TSPAN6: variants seen among roughly 807,000 people sequenced by gnomAD.
TSPAN6 encodes tetraspanin-6.
TSPAN6 carries 13 observed loss-of-function variants against 18.0 expected under a neutral mutation model. The observed-to-expected ratio is 0.72, with a 90% CI of 0.47 to 1.15. The LOEUF is 1.15. TSPAN6 is among the 50% of genes most tolerant of loss of function. The pLI is 0.00. For synonymous variants in TSPAN6, 82 were observed against 67.0 expected, an observed-to-expected ratio of 1.22 and a Z score of -1.09; for missense variants, 186 against 183.9, an observed-to-expected ratio of 1.01 and a Z score of -0.07.
rs2083033457 is a variant in TSPAN6, at chrX:100,627,730, C to CGAGTGA, written c.*2290_*2295dup. On this transcript the variant is annotated 3_prime_UTR_variant, in exon 8 of 8. Coordinates refer to ENST00000373020, the MANE Select transcript of TSPAN6 (RefSeq NM_003270.4). ...AAAATAAACAAACCAATCCACCTGA[C>CGAGTGA]GAGTGATGTGTGGTGTTTTTCCTCT... 1 of 111,644 alleles carries CGAGTGA rather than the reference C, an allele frequency of 9.0e-6. No homozygotes were observed. Among genetic ancestry groups the CGAGTGA allele is most frequent in the African/African-American group, 3.3e-5 (1 of 30,702 alleles). The allele number at this position is 111,644 out of a possible 1,213,427, so 9.2% of individuals were successfully genotyped here. A position where few individuals can be genotyped will look rare whatever the true frequency, so the allele number is the denominator to read the frequency against.
intron 6 of TSPAN6, among the ~76,000 whole-genome samples, chrX:100,631,796 A>C (rs1053920647): frequency 2.7e-5 from 3 of 112,060 alleles, no homozygotes; most frequent in African/African-American, 9.7e-5. Context: ...CTAAGAGGGC[A>C]CTGAGTCTTT....
rs1254831579 is a variant in TSPAN6, at chrX:100,630,885, C to A, written c.670-19G>T. The A allele has an allele frequency of 8.9e-7, 1 of 1,119,896 alleles. No homozygotes were observed. The highest frequency in any genetic ancestry group is 1.8e-5 in the African/African-American group (1 of 55,481). The allele number at this position is 1,119,896 out of a possible 1,213,427, so 92.3% of individuals were successfully genotyped here. The stretch of plus-strand genomic sequence containing the variant: ...CAATCAGCTAGAAATAAAATAGGAA[C>A]AAAATTAAATACATACACAAAAGAA... On this transcript the variant is annotated intron_variant, in intron 6 of 7. Coordinates refer to ENST00000373020, the MANE Select transcript of TSPAN6 (RefSeq NM_003270.4).
At chrX:100,636,235 T>C in intron 1 of TSPAN6, 1 of 810,744 alleles carries the variant, frequency 1.2e-6, no homozygotes, top group Non-Finnish European at 1.5e-6. Context: ...AGAAAGACAC[T>C]ATTATGCAAG....
chrX:100,633,589 CA>C (rs758789921), intron 4 of TSPAN6, 50 bp from the exon 5 acceptor site: 3 of 1,114,879 alleles, frequency 2.7e-6, no homozygotes, highest in African/African-American at 3.7e-5. Context: ...ACTTTGTAGT[CA>C]AACATTTAAC....
chrX:100,629,330 C>T lies in TSPAN6; in HGVS notation c.*696G>A, dbSNP rs1000035902. The T allele has an allele frequency of 7.2e-5, 8 of 111,822 alleles. No individual in the cohort carries two copies. Among genetic ancestry groups the T allele is most frequent in the African/African-American group, 2.6e-4 (8 of 30,756 alleles). The allele number at this position is 111,822 out of a possible 1,213,427, so 9.2% of individuals were successfully genotyped here. ...GATGTATCACAGAACATCAGTAGTC[C>T]CTTCCAGTCGTGGATGCCTTAGACC... On this transcript the variant is annotated 3_prime_UTR_variant, in exon 8 of 8. Transcript: ENST00000373020.
In TSPAN6 at chrX:100,635,560, G is replaced by C; in HGVS notation, c.274C>G (p.Leu92Val). Reference sequence around the variant, plus strand: ...TTCTAATGAAAACAAGGACTCACCAGTTTTAGCATCCATGCAGAAGCTCGG... The same window carrying C: ...TTCTAATGAAAACAAGGACTCACCACTTTTAGCATCCATGCAGAAGCTCGG... ...TCRASAWMLKLYAMFLTLVFL... is the reference protein window; with the variant it reads ...TCRASAWMLKVYAMFLTLVFL... Residue 92 changes from leucine (L) to valine (V), a missense_variant and splice_region_variant, in exon 2 of 8, where the codon CTG becomes GTG. Physicochemically the swap from Leu to Val is conservative, Grantham distance 32. Transcript: ENST00000373020. The C allele has an allele frequency of 1.7e-6, 2 of 1,185,475 alleles. No individual in the cohort carries two copies. Among genetic ancestry groups the C allele is most frequent in the Non-Finnish European group, 2.3e-6 (2 of 880,078 alleles).
At chrX:100,635,140 T>C in intron 3 of TSPAN6, 38 bp downstream of exon 3, 1 of 1,051,043 alleles carries the variant, frequency 9.5e-7, no homozygotes, top group South Asian at 2.0e-5. Flanking sequence ...TCTCAGAGGA[T>C]AAATGTAACA....
At chrX:100,636,174 A>C (rs1466527867) in intron 1 of TSPAN6, 1 of 791,518 alleles carries the variant, frequency 1.3e-6, no homozygotes, top group Non-Finnish European at 1.5e-6. Context: ...GCGGGAGTGG[A>C]GGCATACCAT....
intron 3 of TSPAN6, among the ~76,000 whole-genome samples, chrX:100,634,832 T>C (rs762296620): frequency 1.8e-5 from 2 of 112,095 alleles, no homozygotes; most frequent in East Asian, 5.6e-4. Context: ...GCATTAAGTA[T>C]ATCCAATCTT....
At position 100,633,928 on chromosome X, in the gene TSPAN6, T is replaced by TA. The variant is rs749324854; in HGVS notation, c.450+2dup. 5.1e-6 allele frequency: 6 copies of TA among 1,177,091 alleles called. No homozygotes were observed. The highest frequency in any genetic ancestry group is 6.9e-6 in the Non-Finnish European group (6 of 866,714). ...TCCCCTCTAGGTGGTGGTTACCACTTACCGTATTTTGGATCTTGTCTACTG... is the reference window on the plus strand; with the variant it reads ...TCCCCTCTAGGTGGTGGTTACCACTTAACCGTATTTTGGATCTTGTCTACTG... On this transcript the variant is annotated splice_region_variant and intron_variant, in intron 4 of 7. Transcript: ENST00000373020.
intron 1 of TSPAN6, chrX:100,636,347 A>AT: frequency 1.1e-6 from 1 of 938,707 alleles, no homozygotes; most frequent in South Asian, 4.6e-5. Flanking sequence ...CGCCTCCCGT[A>AT]TCGAACTCGA....
At position 100,628,991 on chromosome X, in the gene TSPAN6, A is replaced by G. The variant is rs1458884282; in HGVS notation, c.*1035T>C. 1.8e-5 allele frequency: 2 copies of G among 112,364 alleles called. No individual in the cohort carries two copies. The highest frequency in any genetic ancestry group is 3.8e-5 in the Non-Finnish European group (2 of 53,316). 9.3% of individuals were successfully genotyped at this position (112,364 alleles called of 1,213,427 possible). The stretch of plus-strand genomic sequence containing the variant: ...CTCAGTGGAAAACAACAACCATTCC[A>G]GCAGATTTTCTACAAGTTAATTTAA... On this transcript the variant is annotated 3_prime_UTR_variant, in exon 8 of 8. Transcript: ENST00000373020.
At position 100,635,887 on chromosome X, in the gene TSPAN6, A is replaced by G. The variant is rs1324293125; in HGVS notation, c.88-141T>C. The G allele has an allele frequency of 2.1e-5, 9 of 432,710 alleles. No homozygotes were observed. In the African/African-American group the frequency reaches 2.4e-4, roughly 11 times the overall value. 35.7% of individuals were successfully genotyped at this position (432,710 alleles called of 1,213,427 possible). On this transcript the variant is annotated intron_variant, in intron 1 of 7. Transcript: ENST00000373020. Reference sequence around the variant, plus strand: ...ACAAGGGGGAAGAGTAGAAGGGGTTAGGGGGGGATCTGCACACAAGAGCAG... The same window carrying G: ...ACAAGGGGGAAGAGTAGAAGGGGTTGGGGGGGGATCTGCACACAAGAGCAG...
chrX:100,636,405 C>T, intron 1 of TSPAN6: 1 of 998,786 alleles, frequency 1.0e-6, no homozygotes, highest in Admixed American at 4.8e-5. Flanking sequence ...TGCCTTCGTC[C>T]CGCACTCCGA....
chrX:100,630,978 T>C, intron 6 of TSPAN6, 112 bp from the exon 7 acceptor site: 1 of 573,863 alleles, frequency 1.7e-6, no homozygotes, highest in Non-Finnish European at 2.9e-6. Flanking sequence ...CTTGAGTTTT[T>C]CTAGAGTTAT....
At position 100,635,581 on chromosome X, in the gene TSPAN6, C is replaced by T; in HGVS notation, c.253G>A (p.Ala85Thr). The part of the protein sequence containing the change: ...GTFGCFATCR[A>T]SAWMLKLYAM... ...ACCAGTTTTAGCATCCATGCAGAAGCTCGGCAGGTAGCAAAACAACCAAAG... is the reference window on the plus strand; with the variant it reads ...ACCAGTTTTAGCATCCATGCAGAAGTTCGGCAGGTAGCAAAACAACCAAAG... The change falls in exon 2 of 8, where the codon GCT (alanine) becomes ACT (threonine). Residue 85 changes from alanine to threonine, a missense_variant. Physicochemically the swap from Ala to Thr is moderately conservative, Grantham distance 58. Coordinates refer to ENST00000373020, the MANE Select transcript of TSPAN6 (RefSeq NM_003270.4). The T allele has an allele frequency of 8.4e-7, 1 of 1,197,576 alleles. No individual in the cohort carries two copies. The highest frequency in any genetic ancestry group is 1.1e-6 in the Non-Finnish European group (1 of 887,088).
chrX:100,631,458 A>C (rs1336943670), intron 6 of TSPAN6, among the ~76,000 whole-genome samples: 11 of 112,224 alleles, frequency 9.8e-5, no homozygotes, highest in Non-Finnish European at 1.9e-5. Flanking sequence ...ATTAAGACGA[A>C]ACTTGAATTA....
At chrX:100,634,060 A>C (rs1602707030) in intron 3 of TSPAN6, 31 bp from the exon 4 acceptor site, 1 of 1,080,521 alleles carries the variant, frequency 9.3e-7, no homozygotes, top group South Asian at 1.9e-5. Context: ...GTCAGTAAGA[A>C]AATCCTCTAG....
chrX:100,631,369 T>C (rs1259494252), intron 6 of TSPAN6, among the ~76,000 whole-genome samples: 1 of 112,539 alleles, frequency 8.9e-6, no homozygotes, highest in Non-Finnish European at 1.9e-5. Context: ...TTTAATAATT[T>C]ATAACAATTC....
Sources: allele counts gnomAD v4.1 joint callset (sites outside exome capture counted in the v4.1 genomes callset), GRCh38; gene constraint gnomAD v4.1.1; transcripts MANE v1.5; gene names NCBI Gene and HGNC (gene_info 2026-07-23, HGNC 2026-07-21).